The following CTNNA3 variants were observed in gnomAD, a reference collection of about 807,000 sequenced individuals.
The protein encoded by CTNNA3 is catenin alpha-3.
Under a neutral mutation model 95.7 loss-of-function variants are expected in CTNNA3, and 76 were observed. That is an observed-to-expected ratio of 0.79 (90% CI 0.66 to 0.96). CTNNA3 has a LOEUF of 0.96. CTNNA3 is among the 40% of genes least tolerant of loss of function. The pLI, the probability that CTNNA3 is intolerant of heterozygous loss-of-function variation, is 0.00. For synonymous variants in CTNNA3, 431 were observed against 374.4 expected (o/e 1.15, Z -1.74); for missense variants, 1,191 against 1,089.8 (o/e 1.09, Z -1.31).
chr10:67,581,920 T>G (rs144892570), intron 3 of CTNNA3, among the ~76,000 whole-genome samples: 1,923 of 152,282 alleles, frequency 0.013, 48 homozygotes, highest in African/African-American at 0.043. Flanking sequence ...CTTTATCATT[T>G]TTTATGCATC....
chr10:65,959,260 G>T (rs1303442336), intron 17 of CTNNA3, among the ~76,000 whole-genome samples: 1 of 152,120 alleles, frequency 6.6e-6, no homozygotes, highest in Non-Finnish European at 1.5e-5. Flanking sequence ...TATTAGGGTG[G>T]GAGTGTCCCA....
Position 65,988,734 on chromosome 10 carries a change from T to C in CTNNA3, c.2223A>G (p.Ser741=). ...GAGCAAGGACATCCATCCTTGATCC[T>C]GATTCTGATATCATTTTCGCTGCAT... The part of the protein sequence containing the change: ...VIYAAKMISE[S]GSRMDVLARQ... The change falls in exon 16 of 18, where the codon TCA becomes TCG. Residue 741 remains serine (S), a synonymous_variant. Coordinates refer to ENST00000433211, the MANE Select transcript of CTNNA3 (RefSeq NM_013266.4). The C allele has an allele frequency of 5.0e-6, 8 of 1,614,056 alleles. No individual in the cohort carries two copies. The highest frequency in any genetic ancestry group is 6.8e-6 in the Non-Finnish European group (8 of 1,179,950).
At chr10:66,520,227 A>G (rs1475285848) in intron 11 of CTNNA3, among the ~76,000 whole-genome samples, 2 of 147,414 alleles carry the variant, frequency 1.4e-5, no homozygotes, top group African/African-American at 2.5e-5. Context: ...AATAAAATTA[A>G]TCTTATTTAG....
intron 7 of CTNNA3, among the ~76,000 whole-genome samples, chr10:66,877,117 A>G (rs1047649619): frequency 1.8e-4 from 28 of 151,944 alleles, no homozygotes; most frequent in Non-Finnish European, 3.7e-4. Flanking sequence ...TCTCACTCCT[A>G]CTTCATGGTT....
intron 10 of CTNNA3, among the ~76,000 whole-genome samples, chr10:66,568,883 G>C (rs1424281150): frequency 1.3e-5 from 2 of 151,984 alleles, no homozygotes; most frequent in East Asian, 3.9e-4. Flanking sequence ...AAGTCTGCCA[G>C]GGCTGGCAGC....
intron 7 of CTNNA3, among the ~76,000 whole-genome samples, chr10:66,861,117 G>A (rs1047735489): frequency 3.9e-5 from 6 of 152,158 alleles, no homozygotes; most frequent in Admixed American, 3.9e-4. Context: ...TAGACACTGT[G>A]TTAGGATACT....
chr10:67,439,905 C>A (rs1846436002), intron 5 of CTNNA3, among the ~76,000 whole-genome samples: 1 of 152,090 alleles, frequency 6.6e-6, no homozygotes, highest in Admixed American at 6.5e-5. Flanking sequence ...CAGAATATTC[C>A]CAGCTGTGGG....
chr10:66,361,697 T>TA (rs2092677103), intron 12 of CTNNA3, among the ~76,000 whole-genome samples: 1 of 151,114 alleles, frequency 6.6e-6, no homozygotes, highest in Non-Finnish European at 1.5e-5. Context: ...ACCACCACAC[T>TA]TGGTTGATTT....
chr10:67,693,440 G>A (rs1399595864), intron 1 of CTNNA3, among the ~76,000 whole-genome samples: 4 of 152,180 alleles, frequency 2.6e-5, no homozygotes, highest in Middle Eastern at 3.4e-3. Flanking sequence ...ATTACAAAGC[G>A]CATAATTTCT....
intron 7 of CTNNA3, among the ~76,000 whole-genome samples, chr10:66,912,687 T>C (rs574770807): frequency 6.6e-6 from 1 of 152,228 alleles, no homozygotes; most frequent in African/African-American, 2.4e-5. Flanking sequence ...AAAATATTTT[T>C]TCCTAGCATT....
At chr10:66,691,406 G>C (rs57188943) in intron 9 of CTNNA3, among the ~76,000 whole-genome samples, 27,112 of 152,146 alleles carry the variant, frequency 0.18, 3,065 homozygotes, top group East Asian at 0.34. Context: ...GAGGCTGGGG[G>C]AGGGGCACCC....
At chr10:66,268,873 T>A (rs560019275) in intron 13 of CTNNA3, among the ~76,000 whole-genome samples, 1 of 152,172 alleles carries the variant, frequency 6.6e-6, no homozygotes, top group Non-Finnish European at 1.5e-5. Flanking sequence ...CTTATACAGA[T>A]GGCAAAATCA....
At chr10:67,473,809 T>C (rs936295218) in intron 5 of CTNNA3, among the ~76,000 whole-genome samples, 8 of 152,258 alleles carry the variant, frequency 5.3e-5, no homozygotes, top group African/African-American at 1.9e-4. Flanking sequence ...AATCTAGAGA[T>C]GATTTAAGCT....
At chr10:67,389,812 G>T (rs1844376779) in intron 5 of CTNNA3, among the ~76,000 whole-genome samples, 1 of 152,032 alleles carries the variant, frequency 6.6e-6, no homozygotes, top group Non-Finnish European at 1.5e-5. Context: ...AATGACTACT[G>T]GGTACATAAG....
intron 3 of CTNNA3, among the ~76,000 whole-genome samples, chr10:67,590,372 G>A (rs1842755284): frequency 6.6e-6 from 1 of 152,100 alleles, no homozygotes; most frequent in Non-Finnish European, 1.5e-5. Context: ...AAAGTCTATT[G>A]CATTTCTATA....
At chr10:67,514,720 G>GTTTTTT (rs529419460) in intron 5 of CTNNA3, among the ~76,000 whole-genome samples, 1 of 127,770 alleles carries the variant, frequency 7.8e-6, no homozygotes, top group Middle Eastern at 3.7e-3. Context: ...TGTTTTTGTT[G>GTTTTTT]TTTTTTTTTT....
intron 9 of CTNNA3, among the ~76,000 whole-genome samples, chr10:66,642,275 CACAA>C (rs376781516): frequency 0.18 from 11,554 of 65,352 alleles, 652 homozygotes; most frequent in East Asian, 0.45. Flanking sequence ...CACACACACA[CACAA>C]ACACACACAC....
chr10:66,876,609 C>T (rs1386848410), intron 7 of CTNNA3, among the ~76,000 whole-genome samples: 1 of 152,064 alleles, frequency 6.6e-6, no homozygotes, highest in African/African-American at 2.4e-5. Context: ...TTCAACTCAC[C>T]TGCAGCCATG....
At chr10:65,967,381 T>A in intron 16 of CTNNA3, among the ~76,000 whole-genome samples, 1 of 152,210 alleles carries the variant, frequency 6.6e-6, no homozygotes, top group East Asian at 1.9e-4. Context: ...TAAAATGTAA[T>A]TATTTCTTTC....
Sources: allele counts gnomAD v4.1 joint callset (sites outside exome capture counted in the v4.1 genomes callset), GRCh38; gene constraint gnomAD v4.1.1; transcripts MANE v1.5; gene names NCBI Gene and HGNC (gene_info 2026-07-23, HGNC 2026-07-21).